The following TMTC1 variants were observed in gnomAD, a reference collection of about 807,000 sequenced individuals.
TMTC1 encodes transmembrane O-mannosyltransferase targeting cadherins 1.
A neutral mutation model predicts 104.8 loss-of-function variants in TMTC1; 73 were observed. The ratio of observed to expected loss-of-function variants is 0.70; its 90% confidence interval spans 0.58 to 0.85. The LOEUF (loss-of-function observed/expected upper bound fraction) is 0.85, where lower values mean the gene tolerates loss of function less well. Ranked by LOEUF, TMTC1 falls within the 40% of genes least tolerant of loss-of-function variation. The pLI is 0.00. For synonymous variants in TMTC1, 434 were observed against 428.7 expected (o/e 1.01, Z -0.15); for missense variants, 1,035 against 1,096.1 (o/e 0.94, Z 0.79).
intron 11 of TMTC1, among the ~76,000 whole-genome samples, chr12:29,529,011 G>A (rs538140988): frequency 1.3e-5 from 2 of 151,958 alleles, no homozygotes; most frequent in African/African-American, 2.4e-5. Context: ...TGCTTCTGTC[G>A]GTTCAATCTG....
At chr12:29,679,781 G>C (rs1940850976) in intron 5 of TMTC1, among the ~76,000 whole-genome samples, 1 of 152,098 alleles carries the variant, frequency 6.6e-6, no homozygotes. Flanking sequence ...ACAGGATAGA[G>C]AGGACTAGAG....
intron 2 of TMTC1, among the ~76,000 whole-genome samples, chr12:29,759,171 T>C (rs1943285574): frequency 1.3e-5 from 2 of 152,234 alleles, no homozygotes; most frequent in African/African-American, 4.8e-5. Context: ...TTTAGAGAAC[T>C]AGAAAAAAGT....
chr12:29,651,282 T>C lies in TMTC1; in HGVS notation c.939-17946A>G, dbSNP rs75671618. Reference sequence around the variant, plus strand: ...TTAGAGATATAGTATGCTGAAATAATGATGACTGAACTGGCACTATAGTTG... The same window carrying C: ...TTAGAGATATAGTATGCTGAAATAACGATGACTGAACTGGCACTATAGTTG... On this transcript the variant is annotated intron_variant, in intron 5 of 17. Coordinates refer to ENST00000539277, the MANE Select transcript of TMTC1 (RefSeq NM_001193451.2). Among the ~76,000 whole-genome samples the C allele has an allele frequency of 9.7e-3, 1,481 of 152,276 alleles. 12 individuals carry two copies. Among genetic ancestry groups the C allele is most frequent in the African/African-American group, 0.034 (1,395 of 41,546 alleles).
intron 11 of TMTC1, among the ~76,000 whole-genome samples, chr12:29,529,338 A>G (rs1313178483): frequency 6.6e-6 from 1 of 152,098 alleles, no homozygotes; most frequent in Non-Finnish European, 1.5e-5. Context: ...CCAAAGCAGT[A>G]AAGGGCCAAT....
intron 7 of TMTC1, among the ~76,000 whole-genome samples, chr12:29,587,699 G>A (rs1946176878): frequency 6.6e-6 from 1 of 152,146 alleles, no homozygotes; most frequent in Non-Finnish European, 1.5e-5. Flanking sequence ...CTATATTGGA[G>A]ACTATTACTA....
At chr12:29,718,389 G>A (rs1942142507) in intron 5 of TMTC1, among the ~76,000 whole-genome samples, 1 of 152,194 alleles carries the variant, frequency 6.6e-6, no homozygotes, top group Admixed American at 6.5e-5. Context: ...CTTGATAACT[G>A]TAAAGCGAAG....
intron 6 of TMTC1, among the ~76,000 whole-genome samples, chr12:29,627,905 C>A (rs1343047743): frequency 6.6e-6 from 1 of 152,094 alleles, no homozygotes; most frequent in South Asian, 2.1e-4. Flanking sequence ...AATGCAATTC[C>A]CATGTGAAAG....
At chr12:29,591,753 A>G (rs966322600) in intron 7 of TMTC1, among the ~76,000 whole-genome samples, 2 of 152,216 alleles carry the variant, frequency 1.3e-5, no homozygotes, top group Non-Finnish European at 2.9e-5. Context: ...ATTCGAAGAG[A>G]ATTTAATAGG....
intron 6 of TMTC1, among the ~76,000 whole-genome samples, chr12:29,625,804 C>T (rs1040942613): frequency 2.6e-5 from 4 of 152,164 alleles, no homozygotes; most frequent in Admixed American, 2.6e-4. Flanking sequence ...TGGGGAATCA[C>T]CAGTCCCCTT....
chr12:29,528,020 T>C (rs1321664434), intron 11 of TMTC1, among the ~76,000 whole-genome samples: 1 of 152,200 alleles, frequency 6.6e-6, no homozygotes, highest in Non-Finnish European at 1.5e-5. Flanking sequence ...TGATTGTCAA[T>C]TTCATGGAAT....
intron 5 of TMTC1, among the ~76,000 whole-genome samples, chr12:29,684,305 T>C (rs187729331): frequency 6.6e-6 from 1 of 152,342 alleles, no homozygotes; most frequent in East Asian, 1.9e-4. Flanking sequence ...AAGAGAATAT[T>C]TGAACCTCAA....
In TMTC1 at chr12:29,504,520, G is replaced by A. The variant is rs1049477650; in HGVS notation, c.*2326C>T. 2.6e-5 allele frequency: 4 copies of A among 152,182 alleles called. No homozygotes were observed. In the East Asian group the frequency reaches 7.7e-4, roughly 29 times the overall value. 9.4% of individuals were successfully genotyped at this position (152,182 alleles called of 1,614,324 possible). A position where few individuals can be genotyped will look rare whatever the true frequency, so the allele number is the denominator to read the frequency against. On this transcript the variant is annotated 3_prime_UTR_variant, in exon 18 of 18. Transcript: ENST00000539277. ...CAAATAATTACTTTTTTAAAAAACA[G>A]TGCTTACTTTTAGTGTTCAAAAGAT...
In TMTC1 at chr12:29,647,143, C is replaced by A. The variant is rs181096368; in HGVS notation, c.939-13807G>T. 5.6e-3 allele frequency among the ~76,000 whole-genome samples: 852 copies of A among 152,252 alleles called. 9 individuals are homozygous for A. Among genetic ancestry groups the A allele is most frequent in the African/African-American group, 0.02 (825 of 41,542 alleles). ...GTTCAAGCAATTCTGCCTCAGCCTC[C>A]CGAGTAGCTGGGACTACAGGTGCAT... On this transcript the variant is annotated intron_variant, in intron 5 of 17. Coordinates refer to ENST00000539277, the MANE Select transcript of TMTC1 (RefSeq NM_001193451.2).
At chr12:29,547,352 A>G (rs1944969211) in intron 10 of TMTC1, among the ~76,000 whole-genome samples, 1 of 152,224 alleles carries the variant, frequency 6.6e-6, no homozygotes, top group African/African-American at 2.4e-5. Flanking sequence ...TGGATTTAAA[A>G]CAACGCAACC....
chr12:29,543,126 G>T (rs1046378777), intron 10 of TMTC1, among the ~76,000 whole-genome samples: 73 of 152,260 alleles, frequency 4.8e-4, no homozygotes, highest in African/African-American at 1.7e-3. Context: ...TGTTTAGAAT[G>T]TACGAATTTT....
intron 8 of TMTC1, among the ~76,000 whole-genome samples, chr12:29,580,518 T>C (rs1056050198): frequency 6.6e-6 from 1 of 152,130 alleles, no homozygotes; most frequent in African/African-American, 2.4e-5. Context: ...GCTCATGGAA[T>C]GGTCAGGCAA....
intron 5 of TMTC1, among the ~76,000 whole-genome samples, chr12:29,735,435 G>C (rs1407391300): frequency 6.6e-6 from 1 of 152,182 alleles, no homozygotes; most frequent in Non-Finnish European, 1.5e-5. Flanking sequence ...GATTAAGTGA[G>C]TTAATTTACA....
At chr12:29,552,627 T>C (rs1352442769) in intron 10 of TMTC1, among the ~76,000 whole-genome samples, 2 of 152,204 alleles carry the variant, frequency 1.3e-5, no homozygotes, top group East Asian at 3.9e-4. Flanking sequence ...GACTTTGGCA[T>C]GTTACTTATT....
intron 5 of TMTC1, among the ~76,000 whole-genome samples, chr12:29,643,867 T>TTATATATTTATATATA (rs1939098618): frequency 2.7e-5 from 1 of 37,500 alleles, no homozygotes; most frequent in Non-Finnish European, 5.9e-5. Flanking sequence ...TTATATATAT[T>TTATATATTTATATATA]TTTATATATA....
Sources: allele counts gnomAD v4.1 joint callset (sites outside exome capture counted in the v4.1 genomes callset), GRCh38; gene constraint gnomAD v4.1.1; transcripts MANE v1.5; gene names NCBI Gene and HGNC (gene_info 2026-07-23, HGNC 2026-07-21).